The following SHLD1 variants were observed in gnomAD, a reference collection of about 807,000 sequenced individuals.
SHLD1 encodes the protein RINN1-REV7-interacting novel NHEJ regulator 3.
In SHLD1, 3 loss-of-function variants were observed where a neutral mutation model predicts 5.5. The observed-to-expected ratio is 0.54, with a 90% confidence interval of 0.25 to 1.40. SHLD1 has a LOEUF of 1.40. SHLD1 is among the 40% of genes most tolerant of loss of function. The probability of loss-of-function intolerance (pLI) is 0.15; values close to 1 mark genes in which losing one functional copy is unlikely to be tolerated. For synonymous variants in SHLD1, 92 were observed against 94.3 expected (o/e 0.98, Z 0.14); for missense variants, 210 against 244.4 (o/e 0.86, Z 0.94).
In SHLD1 at chr20:5,816,072, C is replaced by T. The variant is rs138093900; in HGVS notation, c.178+43029C>T. Among the ~76,000 whole-genome samples, 1,222 of 125,752 alleles carry T rather than the reference C, an allele frequency of 9.7e-3. 14 individuals are homozygous for T. Among genetic ancestry groups the T allele is most frequent in the Non-Finnish European group, 0.015 (943 of 62,398 alleles). The allele number at this position is 125,752 out of a possible 152,430, so 82.5% of individuals were successfully genotyped here. A position where few individuals can be genotyped will look rare whatever the true frequency, so the allele number is the denominator to read the frequency against. ...CTCCAGTCTGGGTGACAGAGTGAGA[C>T]TCTGCCTCAAAAAAACGAAAAAAAA... On this transcript the variant is annotated intron_variant, in intron 2 of 2. Transcript: ENST00000303142.
chr20:5,787,051 A>G (rs911858926), intron 2 of SHLD1, among the ~76,000 whole-genome samples: 4 of 152,348 alleles, frequency 2.6e-5, no homozygotes, highest in African/African-American at 9.6e-5. Flanking sequence ...TTTCCCCTGT[A>G]TCTTTGGGTT....
At chr20:5,768,576 T>G (rs1283969374) in intron 1 of SHLD1, among the ~76,000 whole-genome samples, 3 of 152,202 alleles carry the variant, frequency 2.0e-5, no homozygotes, top group Non-Finnish European at 4.4e-5. Flanking sequence ...GACTGCATGT[T>G]TGGTCCGTAG....
At chr20:5,859,200 C>T (rs2088128035) in intron 2 of SHLD1, among the ~76,000 whole-genome samples, 1 of 152,114 alleles carries the variant, frequency 6.6e-6, no homozygotes. Flanking sequence ...GAGCTCAAGG[C>T]AAATCAACAT....
intron 1 of SHLD1, among the ~76,000 whole-genome samples, chr20:5,754,408 G>T (rs1983943549): frequency 6.6e-6 from 1 of 152,102 alleles, no homozygotes; most frequent in African/African-American, 2.4e-5. Flanking sequence ...CCTGCACCTG[G>T]CCATGATCTC....
chr20:5,802,024 T>C (rs549906281), intron 2 of SHLD1, among the ~76,000 whole-genome samples: 21 of 152,352 alleles, frequency 1.4e-4, no homozygotes, highest in African/African-American at 5.1e-4. Flanking sequence ...ATGCATACAC[T>C]GTTTTTAAAA....
At chr20:5,860,134 C>G (rs769969754) in intron 2 of SHLD1, among the ~76,000 whole-genome samples, 11 of 150,600 alleles carry the variant, frequency 7.3e-5, no homozygotes, top group Non-Finnish European at 1.3e-4. Context: ...CTACCCAGGA[C>G]AAGGTCATCT....
Position 5,855,626 on chromosome 20 carries a change from C to A in SHLD1, c.179-7398C>A, listed in dbSNP as rs1231114367. On this transcript the variant is annotated intron_variant, in intron 2 of 2. Coordinates refer to ENST00000303142, the MANE Select transcript of SHLD1 (RefSeq NM_152504.4). The surrounding 1 kb of genome is among the most constrained non-coding windows in gnomAD (Gnocchi z 4.4). ...GGCTCAAGAGATCCACTTTCCTTGG[C>A]CCCCCAAAGTGCTGGGATTATAGAC... Among the ~76,000 whole-genome samples the A allele has an allele frequency of 6.6e-6, 1 of 152,128 alleles. No homozygotes were observed. The highest frequency in any genetic ancestry group is 1.5e-5 in the Non-Finnish European group (1 of 68,014).
chr20:5,858,478 C>T (rs1291895457), intron 2 of SHLD1, among the ~76,000 whole-genome samples: 1 of 152,184 alleles, frequency 6.6e-6, no homozygotes, highest in Non-Finnish European at 1.5e-5. Context: ...TGACTGTCTT[C>T]TGAATTCAAA....
chr20:5,785,429 G>A (rs937958638), intron 2 of SHLD1, among the ~76,000 whole-genome samples: 1 of 152,284 alleles, frequency 6.6e-6, no homozygotes, highest in South Asian at 2.1e-4. Context: ...TCAAACCTGG[G>A]TCAGGTTGAC....
intron 2 of SHLD1, among the ~76,000 whole-genome samples, chr20:5,784,450 A>T (rs1045519994): frequency 2.6e-5 from 4 of 151,362 alleles, no homozygotes; most frequent in Non-Finnish European, 4.4e-5. Context: ...TTTATTTTTA[A>T]TTTTTTTTAT....
chr20:5,772,198 G>A (rs1985205935), intron 1 of SHLD1: 1 of 454,024 alleles, frequency 2.2e-6, no homozygotes, highest in Non-Finnish European at 4.4e-6. Context: ...TTTGCCTAAA[G>A]AAAGTATTTT....
intron 2 of SHLD1, among the ~76,000 whole-genome samples, chr20:5,801,715 G>A (rs1425867332): frequency 2.0e-5 from 3 of 152,194 alleles, no homozygotes; most frequent in African/African-American, 7.2e-5. Flanking sequence ...TAGCAGGGAG[G>A]AGAGGACCCT....
At chr20:5,777,569 G>T (rs1186631690) in intron 2 of SHLD1, among the ~76,000 whole-genome samples, 1 of 150,560 alleles carries the variant, frequency 6.6e-6, no homozygotes, top group African/African-American at 2.4e-5. Flanking sequence ...ATAGGCGTGT[G>T]TTATCCTGCC....
chr20:5,857,411 G>A (rs1454059240), intron 2 of SHLD1, among the ~76,000 whole-genome samples: 1 of 152,022 alleles, frequency 6.6e-6, no homozygotes, highest in Non-Finnish European at 1.5e-5. Flanking sequence ...TGCCATGCAG[G>A]GCCCTGAAAA....
intron 2 of SHLD1, among the ~76,000 whole-genome samples, chr20:5,804,123 C>T (rs534931137): frequency 6.6e-6 from 1 of 151,218 alleles, no homozygotes; most frequent in Admixed American, 6.6e-5. Flanking sequence ...CCAGCCTGGC[C>T]AACATAACAA....
intron 2 of SHLD1, among the ~76,000 whole-genome samples, chr20:5,846,768 C>T (rs2087937602): frequency 6.6e-6 from 1 of 152,162 alleles, no homozygotes; most frequent in South Asian, 2.1e-4. Context: ...GCTGCAAGGT[C>T]CAGAAAGTGG....
rs776899215 is a variant in SHLD1, at chr20:5,806,031, A to G, written c.178+32988A>G. On this transcript the variant is annotated intron_variant, in intron 2 of 2. Coordinates refer to ENST00000303142, the MANE Select transcript of SHLD1 (RefSeq NM_152504.4). This position sits in a 1 kb window ranked among gnomAD's most constrained non-coding sequence, Gnocchi z 7.6. ...GCTTTAAACATGTTTTTTGATTTAA[A>G]TTTTTAAATATTTTTTAGAGATGCG... Among the ~76,000 whole-genome samples, 44 of 152,196 alleles carry G rather than the reference A, an allele frequency of 2.9e-4. No individual in the cohort carries two copies. Among genetic ancestry groups the G allele is most frequent in the Middle Eastern group, 3.4e-3 (1 of 294 alleles).
At chr20:5,839,572 G>T (rs759363231) in intron 2 of SHLD1, among the ~76,000 whole-genome samples, 8 of 152,268 alleles carry the variant, frequency 5.3e-5, no homozygotes, top group Non-Finnish European at 1.0e-4. Context: ...GTATACCACA[G>T]ATGTGTGGAA....
intron 1 of SHLD1, among the ~76,000 whole-genome samples, chr20:5,761,885 G>A (rs1193238765): frequency 6.6e-6 from 1 of 151,962 alleles, no homozygotes; most frequent in Non-Finnish European, 1.5e-5. Context: ...TGAGATTACA[G>A]GCATGAGCCA....
Sources: gnomAD v4.1 joint callset for allele counts (sites outside exome capture counted in the v4.1 genomes callset) on GRCh38, gnomAD v4.1.1 for gene constraint, Gnocchi (gnomAD v3.1) non-coding constraint, MANE v1.5 for transcripts, NCBI Gene and HGNC (gene_info 2026-07-23, HGNC 2026-07-21) for gene names.